Variants in TSPAN2 observed in about 807,000 individuals in gnomAD.
TSPAN2 encodes tetraspanin 2.
Under a neutral mutation model 33.3 loss-of-function variants are expected in TSPAN2, and 24 were observed. The observed-to-expected ratio is 0.72, with a 90% CI of 0.52 to 1.01. The LOEUF is 1.01. Ranked by LOEUF, TSPAN2 falls within the 50% of genes least tolerant of loss-of-function variation. The probability of loss-of-function intolerance (pLI) is 0.00; values close to 1 mark genes in which losing one functional copy is unlikely to be tolerated. For synonymous variants in TSPAN2, 114 were observed against 104.5 expected (o/e 1.09, Z -0.56); for missense variants, 278 against 281.3 (o/e 0.99, Z 0.08).
intron 1 of TSPAN2, among the ~76,000 whole-genome samples, chr1:115,080,919 G>A (rs1557885022): frequency 6.6e-6 from 1 of 152,200 alleles, no homozygotes; most frequent in Non-Finnish European, 1.5e-5. Flanking sequence ...CTTTACATAA[G>A]CAAAGACAAC....
chr1:115,054,812 C>G (rs1394850176), intron 6 of TSPAN2, among the ~76,000 whole-genome samples: 1 of 152,044 alleles, frequency 6.6e-6, no homozygotes, highest in Non-Finnish European at 1.5e-5. Flanking sequence ...CATGGTGAAA[C>G]CCCGTCTCTA....
At chr1:115,071,991 C>A (rs1346260942) in intron 2 of TSPAN2, among the ~76,000 whole-genome samples, 1 of 152,202 alleles carries the variant, frequency 6.6e-6, no homozygotes, top group African/African-American at 2.4e-5. Context: ...GTCACCACAG[C>A]AACTGAAGCT....
intron 4 of TSPAN2, 133 bp downstream of exon 4, chr1:115,060,331 A>G (rs1008434529): frequency 1.3e-5 from 9 of 695,966 alleles, no homozygotes; most frequent in Non-Finnish European, 1.2e-5. Flanking sequence ...AGTTCTGCAC[A>G]CCACTTCTAA....
chr1:115,056,630 C>T (rs558862927), intron 6 of TSPAN2, among the ~76,000 whole-genome samples: 177 of 152,274 alleles, frequency 1.2e-3, no homozygotes, highest in Non-Finnish European at 2.1e-3. Context: ...CCTTCCCCAT[C>T]CCCCAGCCTC....
In TSPAN2 at chr1:115,052,061, T is replaced by C. The variant is rs558540755; in HGVS notation, c.600+1318A>G. On this transcript the variant is annotated intron_variant, in intron 7 of 7. Transcript: ENST00000369516. The stretch of plus-strand genomic sequence containing the variant: ...GAATGCTTCTAGGCTGCTCATTTGC[T>C]GAGATTGTGAAACTCTCCATTATGC... Among the ~76,000 whole-genome samples the C allele has an allele frequency of 1.1e-4, 17 of 152,302 alleles. No homozygotes were observed. In the East Asian group the frequency reaches 3.3e-3, roughly 29 times the overall value.
At chr1:115,068,365 C>T (rs1221654177) in intron 2 of TSPAN2, among the ~76,000 whole-genome samples, 1 of 152,214 alleles carries the variant, frequency 6.6e-6, no homozygotes, top group African/African-American at 2.4e-5. Flanking sequence ...GGGACAATTT[C>T]CCTTACAAAG....
chr1:115,081,072 G>A (rs1194415759), intron 1 of TSPAN2, among the ~76,000 whole-genome samples: 1 of 152,178 alleles, frequency 6.6e-6, no homozygotes, highest in Non-Finnish European at 1.5e-5. Flanking sequence ...TGTTTCAAAT[G>A]GAACTAAGGC....
At chr1:115,053,780 C>T (rs900659874) in intron 6 of TSPAN2, among the ~76,000 whole-genome samples, 4 of 152,342 alleles carry the variant, frequency 2.6e-5, no homozygotes, top group East Asian at 3.9e-4. Flanking sequence ...GGAGCCACTT[C>T]TTACTTGTAG....
chr1:115,084,457 G>A (rs999221853), intron 1 of TSPAN2, among the ~76,000 whole-genome samples: 4 of 152,088 alleles, frequency 2.6e-5, no homozygotes, highest in African/African-American at 4.8e-5. Context: ...AGGTCTGTCC[G>A]AGGTCTACCG....
intron 1 of TSPAN2, among the ~76,000 whole-genome samples, chr1:115,085,774 C>A (rs1648809192): frequency 1.3e-5 from 2 of 152,038 alleles, no homozygotes; most frequent in Non-Finnish European, 2.9e-5. Context: ...TCCCTTAAGT[C>A]ATGAGGTGCC....
At chr1:115,058,811 TG>T (rs149647525) in intron 5 of TSPAN2, 71 bp downstream of exon 5, 1 of 1,253,692 alleles carries the variant, frequency 8.0e-7, no homozygotes, top group African/African-American at 1.5e-5. Context: ...TTAATCCTGG[TG>T]ATTGGTGAGA....
chr1:115,051,802 C>T lies in TSPAN2; in HGVS notation c.601-1247G>A, dbSNP rs144251512. On this transcript the variant is annotated intron_variant, in intron 7 of 7. Transcript: ENST00000369516. ...AGCTTCTGGATGACAGGACTCAGTA[C>T]CAGTGTGTAGCACGGGCGACACCCA... Among the ~76,000 whole-genome samples, 4 of 152,242 alleles carry T rather than the reference C, an allele frequency of 2.6e-5. No homozygotes were observed. The East Asian group carries it at 7.7e-4, about 29-fold the overall frequency.
At chr1:115,080,294 A>G (rs1007584767) in intron 1 of TSPAN2, among the ~76,000 whole-genome samples, 1 of 151,928 alleles carries the variant, frequency 6.6e-6, no homozygotes, top group Non-Finnish European at 1.5e-5. Flanking sequence ...CTTGCTTTTT[A>G]TTTTTTTGAG....
chr1:115,057,438 C>T, intron 6 of TSPAN2, 99 bp downstream of exon 6: 1 of 1,162,976 alleles, frequency 8.6e-7, no homozygotes, highest in Non-Finnish European at 1.3e-6. Context: ...AGAGCAAATT[C>T]AGTAAAATGC....
chr1:115,062,731 C>T (rs1182599616), intron 2 of TSPAN2, among the ~76,000 whole-genome samples: 1 of 152,148 alleles, frequency 6.6e-6, no homozygotes, highest in Non-Finnish European at 1.5e-5. Context: ...TCATTTTTTG[C>T]ATTTTACTCA....
intron 1 of TSPAN2, among the ~76,000 whole-genome samples, chr1:115,075,822 G>A (rs958303557): frequency 6.6e-6 from 1 of 151,942 alleles, no homozygotes; most frequent in African/African-American, 2.4e-5. Flanking sequence ...TTGCACCTCA[G>A]CCAATGTTAA....
intron 1 of TSPAN2, among the ~76,000 whole-genome samples, chr1:115,082,652 A>G (rs866787673): frequency 1.3e-5 from 2 of 151,792 alleles, no homozygotes; most frequent in Non-Finnish European, 1.5e-5. Context: ...AGTGTTCCCA[A>G]CCTCTCTCCT....
intron 2 of TSPAN2, among the ~76,000 whole-genome samples, chr1:115,064,031 CCT>C (rs1647840795): frequency 6.6e-6 from 1 of 151,002 alleles, no homozygotes; most frequent in Admixed American, 6.6e-5. Context: ...CCATGTACCC[CCT>C]GATTCTAAAA....
At chr1:115,067,226 T>C (rs529127794) in intron 2 of TSPAN2, among the ~76,000 whole-genome samples, 50 of 152,336 alleles carry the variant, frequency 3.3e-4, no homozygotes, top group Middle Eastern at 3.4e-3. Context: ...ACAACAATGC[T>C]CTTAGCTAGA....
Sources: allele counts gnomAD v4.1 joint callset (sites outside exome capture counted in the v4.1 genomes callset), GRCh38; gene constraint gnomAD v4.1.1; transcripts MANE v1.5; gene names NCBI Gene and HGNC (gene_info 2026-07-23, HGNC 2026-07-21).